WFS1: variants seen among roughly 807,000 people sequenced by gnomAD.
WFS1 encodes wolframin.
In WFS1, 90 loss-of-function variants were observed where a neutral mutation model predicts 68.5. That is an observed-to-expected ratio of 1.31 (90% CI 1.11 to 1.56). The LOEUF is 1.56. Among genes scored for constraint, WFS1 ranks in the 40% most tolerant of loss-of-function variants. WFS1 has a pLI of 0.00. For synonymous variants in WFS1, 860 were observed against 540.7 expected (o/e 1.59, Z -8.19); for missense variants, 1,767 against 1,232.6 (o/e 1.43, Z -6.49).
At position 6,302,821 on chromosome 4, in the gene WFS1, C is replaced by T. The variant is rs1731010245; in HGVS notation, c.*353C>T. ...CTCCCCCACCTTCAAGCACCCTGTT[C>T]CCTCTTTCTTTCTTTTGTGTTGGAT... On this transcript the variant is annotated 3_prime_UTR_variant, in exon 8 of 8. Transcript: ENST00000226760. The T allele has an allele frequency of 1.0e-5, 4 of 383,804 alleles. No individual in the cohort carries two copies. The highest frequency in any genetic ancestry group is 1.9e-5 in the Non-Finnish European group (4 of 211,522). 23.8% of individuals were successfully genotyped at this position (383,804 alleles called of 1,614,324 possible).
intron 7 of WFS1, among the ~76,000 whole-genome samples, chr4:6,297,066 C>G (rs961583143): frequency 6.6e-6 from 1 of 152,172 alleles, no homozygotes; most frequent in Non-Finnish European, 1.5e-5. Context: ...CTGGGTCAAG[C>G]GAGCCTCCCA....
chr4:6,292,765 A>G lies in WFS1; in HGVS notation c.712+768A>G, dbSNP rs146007483. On this transcript the variant is annotated intron_variant, in intron 6 of 7. Coordinates refer to ENST00000226760, the MANE Select transcript of WFS1 (RefSeq NM_006005.3). Reference sequence around the variant, plus strand: ...TCTTCTTGTGACATGGGCAGGTCTCATTTTTCTTTCTGGGTGTCAGTTTCC... The same window carrying G: ...TCTTCTTGTGACATGGGCAGGTCTCGTTTTTCTTTCTGGGTGTCAGTTTCC... 2.4e-3 allele frequency among the ~76,000 whole-genome samples: 362 copies of G among 152,152 alleles called. 3 individuals are homozygous for G. The highest frequency in any genetic ancestry group is 7.3e-3 in the African/African-American group (305 of 41,510).
In WFS1 at chr4:6,300,998, C is replaced by G; in HGVS notation, c.1203C>G (p.His401Gln). 1.2e-6 allele frequency: 2 copies of G among 1,614,022 alleles called. No individual in the cohort carries two copies. Among genetic ancestry groups the G allele is most frequent in the Admixed American group, 1.7e-5 (1 of 59,900 alleles). ...EQAEVNFGWN[H>Q]LEPYAHFLLS... is the part of the protein sequence containing the mutation. The stretch of plus-strand genomic sequence containing the variant: ...CCGAGGTCAACTTCGGCTGGAACCA[C>G]CTGGAGCCCTATGCCCATTTCCTGC... Residue 401 changes from histidine to glutamine, a missense_variant, in exon 8 of 8, where the codon CAC becomes CAG. Transcript: ENST00000226760.
At chr4:6,280,545 C>T (rs768611711) in intron 2 of WFS1, among the ~76,000 whole-genome samples, 1 of 152,130 alleles carries the variant, frequency 6.6e-6, no homozygotes, top group East Asian at 1.9e-4. Flanking sequence ...AGAGCCTGTT[C>T]TGGGCCTGTT....
intron 4 of WFS1, among the ~76,000 whole-genome samples, 174 bp from the exon 5 acceptor site, chr4:6,291,023 C>T (rs1730446514): frequency 3.6e-5 from 4 of 111,252 alleles, no homozygotes; most frequent in Non-Finnish European, 3.7e-5. Flanking sequence ...GGAGAGTGGG[C>T]GTGGCGCGAT....
intron 6 of WFS1, 60 bp downstream of exon 6, chr4:6,292,057 C>T (rs1730481256): frequency 6.7e-7 from 1 of 1,502,122 alleles, no homozygotes; most frequent in Admixed American, 2.0e-5. Context: ...GCAGGGCGAC[C>T]TCTCCTTCCT....
rs1162270015 is a variant in WFS1 at position 6,281,337 on chromosome 4, A to T, written c.232+3650A>T. Among the ~76,000 whole-genome samples the T allele has an allele frequency of 2.0e-5, 3 of 152,302 alleles. No individual in the cohort carries two copies. In the East Asian group the frequency reaches 5.8e-4, roughly 29 times the overall value. ...GCCCAGTGGGGGGCACCCAAGACCC[A>T]TGAGGAATTGGCTGTGGTGTCAAGA... is the stretch of plus-strand genomic sequence containing the variant. On this transcript the variant is annotated intron_variant, in intron 2 of 7. Coordinates refer to ENST00000226760, the MANE Select transcript of WFS1 (RefSeq NM_006005.3).
At chr4:6,293,246 C>T (rs1336092805) in intron 6 of WFS1, among the ~76,000 whole-genome samples, 2 of 152,200 alleles carry the variant, frequency 1.3e-5, no homozygotes, top group African/African-American at 4.8e-5. Context: ...GAGCCGGGCA[C>T]ACCTGCTGCT....
rs556546980 is a variant in WFS1, at chr4:6,274,036, T to C, written c.-5-3415T>C. ...CCTGGGAGTAATGGCTTAGGGTTTT[T>C]CTTTTCCTTTTTCTTTTTTCTTTTT... On this transcript the variant is annotated intron_variant, in intron 1 of 7. Coordinates refer to ENST00000226760, the MANE Select transcript of WFS1 (RefSeq NM_006005.3). Among the ~76,000 whole-genome samples the C allele has an allele frequency of 4.9e-4, 72 of 146,350 alleles. No individual in the cohort carries two copies. In the East Asian group the frequency reaches 6.9e-3, roughly 14 times the overall value.
chr4:6,283,501 C>T lies in WFS1; in HGVS notation c.233-3592C>T, dbSNP rs4343789. On this transcript the variant is annotated intron_variant, in intron 2 of 7. Transcript: ENST00000226760. This position sits in a 1 kb window ranked among gnomAD's most constrained non-coding sequence, Gnocchi z 5.0. Reference sequence around the variant, plus strand: ...GCTCAGATGATGTCATCAGGAAGTACTCCCCCGCCCCCATTCCACTCTGCT... The same window carrying T: ...GCTCAGATGATGTCATCAGGAAGTATTCCCCCGCCCCCATTCCACTCTGCT... Among the ~76,000 whole-genome samples the T allele has an allele frequency of 2.6e-5, 4 of 152,004 alleles. No individual in the cohort carries two copies. The highest frequency in any genetic ancestry group is 9.7e-5 in the African/African-American group (4 of 41,370).
intron 7 of WFS1, among the ~76,000 whole-genome samples, chr4:6,296,762 C>G (rs768935078): frequency 1.1e-4 from 16 of 152,344 alleles, no homozygotes; most frequent in South Asian, 2.1e-4. Flanking sequence ...GCGTCCTGTT[C>G]GGAAAATTAT....
At chr4:6,299,423 T>C (rs574764247) in intron 7 of WFS1, among the ~76,000 whole-genome samples, 10 of 150,870 alleles carry the variant, frequency 6.6e-5, no homozygotes, top group African/African-American at 2.0e-4. Flanking sequence ...CTGGTGTGTA[T>C]GTGTAGGTGC....
Position 6,302,825 on chromosome 4 carries a change from C to T in WFS1, c.*357C>T, listed in dbSNP as rs1731010944. The T allele has an allele frequency of 2.7e-6, 1 of 366,130 alleles. No homozygotes were observed. Among genetic ancestry groups the T allele is most frequent in the South Asian group, 3.9e-5 (1 of 25,962 alleles). 22.7% of individuals were successfully genotyped at this position (366,130 alleles called of 1,614,324 possible). On this transcript the variant is annotated 3_prime_UTR_variant, in exon 8 of 8. Transcript: ENST00000226760. ...CCCACCTTCAAGCACCCTGTTCCCT[C>T]TTTCTTTCTTTTGTGTTGGATTTGT...
chr4:6,274,612 T>C (rs1729937901), intron 1 of WFS1, among the ~76,000 whole-genome samples: 1 of 151,978 alleles, frequency 6.6e-6, no homozygotes, highest in African/African-American at 2.4e-5. Flanking sequence ...AGACAGGGAC[T>C]CGGGACAGAC....
chr4:6,283,197 G>A lies in WFS1; in HGVS notation c.233-3896G>A, dbSNP rs74388293. 0.015 allele frequency among the ~76,000 whole-genome samples: 2,260 copies of A among 152,258 alleles called. 54 individuals are homozygous for A. Among genetic ancestry groups the A allele is most frequent in the African/African-American group, 0.05 (2,082 of 41,546 alleles). ...TGAATCTCTCAAATCCATAGGGCCC[G>A]TGCATGACAAATAATTAAAAAGATG... On this transcript the variant is annotated intron_variant, in intron 2 of 7. Transcript: ENST00000226760. This position sits in a 1 kb window ranked among gnomAD's most constrained non-coding sequence, Gnocchi z 5.0.
rs752256328 is a variant in WFS1, at chr4:6,300,702, C to T, written c.907C>T (p.Leu303=). Residue 303 remains leucine (L), a synonymous_variant, in exon 8 of 8, where the codon CTG becomes TTG. Transcript: ENST00000226760. ...LHAIMEIKEY[L]IDMASRAGMH... is the part of the protein sequence containing the mutation. ...CGCCATCATGGAGATCAAGGAGTAC[C>T]TGATTGACATGGCCTCCAGGGCAGG... 1.2e-6 allele frequency: 2 copies of T among 1,614,098 alleles called. No homozygotes were observed. The highest frequency in any genetic ancestry group is 1.7e-5 in the Admixed American group (1 of 60,018).
Position 6,302,663 on chromosome 4 carries a change from G to A in WFS1, c.*195G>A. 1.3e-6 allele frequency: 1 copy of A among 751,528 alleles called. No homozygotes were observed. The highest frequency in any genetic ancestry group is 2.1e-6 in the Non-Finnish European group (1 of 471,410). The allele number at this position is 751,528 out of a possible 1,614,324, so 46.6% of individuals were successfully genotyped here. A position where few individuals can be genotyped will look rare whatever the true frequency, so the allele number is the denominator to read the frequency against. On this transcript the variant is annotated 3_prime_UTR_variant, in exon 8 of 8. Transcript: ENST00000226760. ...GCTGCTGTGTAGCTCTGTCCACTCT[G>A]AATACCAAGTGTGTTGGGAATTGCA...
chr4:6,298,611 C>T (rs997370028), intron 7 of WFS1, among the ~76,000 whole-genome samples: 2 of 152,084 alleles, frequency 1.3e-5, no homozygotes, highest in African/African-American at 4.8e-5. Flanking sequence ...ATGAGCCTGT[C>T]CTTCTCATCT....
At position 6,302,728 on chromosome 4, in the gene WFS1, G is replaced by C. The variant is rs71530909; in HGVS notation, c.*260G>C. 9.0e-5 allele frequency: 53 copies of C among 587,606 alleles called. No individual in the cohort carries two copies. The highest frequency in any genetic ancestry group is 4.8e-4 in the South Asian group (23 of 47,838). 36.4% of individuals were successfully genotyped at this position (587,606 alleles called of 1,614,324 possible). ...TGAGCCTGACCTTTCTGAGTGACAT[G>C]GGTGTGCCAGGCTAGACTAGGAGGT... is the stretch of plus-strand genomic sequence containing the variant. On this transcript the variant is annotated 3_prime_UTR_variant, in exon 8 of 8. Coordinates refer to ENST00000226760, the MANE Select transcript of WFS1 (RefSeq NM_006005.3).
Sources: gnomAD v4.1 joint callset for allele counts (sites outside exome capture counted in the v4.1 genomes callset) on GRCh38, gnomAD v4.1.1 for gene constraint, Gnocchi (gnomAD v3.1) non-coding constraint, MANE v1.5 for transcripts, NCBI Gene and HGNC (gene_info 2026-07-23, HGNC 2026-07-21) for gene names.